The following TLK2 variants were observed in gnomAD, a reference collection of about 807,000 sequenced individuals.
The protein encoded by TLK2 is tousled like kinase 2, also known as serine/threonine-protein kinase tousled-like 2.
A neutral mutation model predicts 117.3 loss-of-function variants in TLK2; 6 were observed. The ratio of observed to expected loss-of-function variants is 0.05; its 90% CI spans 0.03 to 0.10. The LOEUF (loss-of-function observed/expected upper bound fraction) is 0.10. Ranked by LOEUF, TLK2 falls within the 10% of genes least tolerant of loss-of-function variation. TLK2 has a pLI of 1.00. For synonymous variants in TLK2, 257 were observed against 316.7 expected (o/e 0.81, Z 2.00); for missense variants, 299 against 901.2 (o/e 0.33, Z 8.56).
chr17:62,497,677 G>A (rs2073830973), intron 2 of TLK2, among the ~76,000 whole-genome samples: 1 of 152,188 alleles, frequency 6.6e-6, no homozygotes, highest in African/African-American at 2.4e-5. Context: ...CTAAAGTCAA[G>A]CCAATCTGAC....
intron 16 of TLK2, among the ~76,000 whole-genome samples, chr17:62,596,228 A>G (rs913807841): frequency 2.4e-4 from 37 of 152,072 alleles, no homozygotes; most frequent in African/African-American, 8.7e-4. Flanking sequence ...GGTGCGCACC[A>G]CTACGCCCAG....
rs1454345729 is a variant in TLK2, at chr17:62,548,812, CT to C, written c.532-3489del. ...AGTGCGGTGGCATGATCTCGGCTCA[CT>C]GCAACCTCCACCTCCTGGGTTAAAG... is the stretch of plus-strand genomic sequence containing the variant. On this transcript the variant is annotated intron_variant, in intron 7 of 21. Transcript: ENST00000346027. 2.6e-5 allele frequency among the ~76,000 whole-genome samples: 4 copies of C among 151,948 alleles called. No individual in the cohort carries two copies. In the East Asian group the frequency reaches 7.9e-4, roughly 30 times the overall value.
chr17:62,536,316 C>G lies in TLK2; in HGVS notation c.510C>G (p.Gly170=), dbSNP rs367614358. The G allele has an allele frequency of 6.2e-7, 1 of 1,612,458 alleles. No homozygotes were observed. Among genetic ancestry groups the G allele is most frequent in the Non-Finnish European group, 8.5e-7 (1 of 1,179,190 alleles). Residue 170 remains glycine (G), a synonymous_variant, in exon 7 of 22, where the codon GGC becomes GGG. Coordinates refer to ENST00000346027, the MANE Select transcript of TLK2 (RefSeq NM_006852.6). ...DTEQLAQRGA[G]LCFTFVSAQQ... is the part of the protein sequence containing the mutation. ...AGCAGCTGGCGCAAAGGGGAGCTGG[C>G]CTCTGCTTCACTTTTGTTTCAGTGA...
At chr17:62,503,306 C>T (rs1277652401) in intron 2 of TLK2, among the ~76,000 whole-genome samples, 1 of 152,008 alleles carries the variant, frequency 6.6e-6, no homozygotes, top group African/African-American at 2.4e-5. Context: ...GATCCGCCTG[C>T]CTTGGCCTCC....
chr17:62,533,173 AATT>A (rs2076857957), intron 6 of TLK2, among the ~76,000 whole-genome samples: 1 of 151,250 alleles, frequency 6.6e-6, no homozygotes, highest in Non-Finnish European at 1.5e-5. Context: ...AGATTTAATA[AATT>A]ATTTATATTA....
chr17:62,502,376 A>C (rs540258844), intron 2 of TLK2, among the ~76,000 whole-genome samples: 7 of 152,308 alleles, frequency 4.6e-5, no homozygotes, highest in African/African-American at 1.7e-4. Flanking sequence ...GCTCACTAGG[A>C]ATAGAAGGGA....
rs2079638814 is a variant in TLK2, at chr17:62,565,007, C to G, written c.838C>G (p.Gln280Glu). 1 of 1,606,684 alleles carries G rather than the reference C, an allele frequency of 6.2e-7. No homozygotes were observed. ...SKKLLIEKSK[Q>E]EKMACRDKSM... The stretch of plus-strand genomic sequence containing the variant: ...TTTGTCTGTTTCCCCTAAGTCAAAA[C>G]AAGAGAAGATGGCGTGTAGAGATAA... Residue 280 changes from glutamine (Q) to glutamate (E), a missense_variant, in exon 11 of 22, where the codon CAA becomes GAA. Physicochemically the swap from Gln to Glu is conservative, Grantham distance 29 (BLOSUM62 2). This residue lies in a region of TLK2 where 94 missense variants were observed against 282.6 expected (regional missense o/e 0.33). Transcript: ENST00000346027.
chr17:62,519,067 T>C (rs2075843672), intron 2 of TLK2, among the ~76,000 whole-genome samples: 1 of 152,044 alleles, frequency 6.6e-6, no homozygotes, highest in Non-Finnish European at 1.5e-5. Context: ...GTATTTTTGG[T>C]AGAGATGGGG....
intron 13 of TLK2, 84 bp from the exon 14 acceptor site, chr17:62,578,393 A>C: frequency 1.9e-6 from 2 of 1,050,838 alleles, no homozygotes; most frequent in Non-Finnish European, 2.9e-6. Flanking sequence ...TCATAAGATA[A>C]ATGTCTGCTA....
In TLK2 at chr17:62,614,302, A is replaced by G. The variant is rs1354100970; in HGVS notation, c.*1737A>G. ...GAAACAGCAGAGCACTCCTCAGTAG[A>G]GAGGGAGGGAGCCAAGAGCCTGAAC... On this transcript the variant is annotated 3_prime_UTR_variant, in exon 22 of 22. Coordinates refer to ENST00000346027, the MANE Select transcript of TLK2 (RefSeq NM_006852.6). 1.3e-5 allele frequency: 2 copies of G among 152,158 alleles called. No homozygotes were observed. Among genetic ancestry groups the G allele is most frequent in the African/African-American group, 2.4e-5 (1 of 41,436 alleles). The allele number at this position is 152,158 out of a possible 1,614,324, so 9.4% of individuals were successfully genotyped here. A position where few individuals can be genotyped will look rare whatever the true frequency, so the allele number is the denominator to read the frequency against.
chr17:62,487,962 G>A (rs113993179), intron 2 of TLK2, among the ~76,000 whole-genome samples: 2 of 148,216 alleles, frequency 1.3e-5, no homozygotes, highest in African/African-American at 2.5e-5. Flanking sequence ...TTTTGGAGAC[G>A]GAGTTTCACT....
chr17:62,537,760 G>A (rs2077212132), intron 7 of TLK2, among the ~76,000 whole-genome samples: 1 of 152,142 alleles, frequency 6.6e-6, no homozygotes, highest in East Asian at 1.9e-4. Flanking sequence ...AGTGTTTAAT[G>A]TTAGAAGTGT....
In TLK2 at chr17:62,573,818, T is replaced by C. The variant is rs115801455; in HGVS notation, c.1121+451T>C. Among the ~76,000 whole-genome samples the C allele has an allele frequency of 5.2e-3, 798 of 152,312 alleles. 5 individuals carry two copies. The highest frequency in any genetic ancestry group is 0.018 in the African/African-American group (758 of 41,558). The stretch of plus-strand genomic sequence containing the variant: ...GGATAAGCCCCCCAGAAAGCTGTTA[T>C]GTTAGAAAAGGACATTGTCCCAATA... On this transcript the variant is annotated intron_variant, in intron 12 of 21. Coordinates refer to ENST00000346027, the MANE Select transcript of TLK2 (RefSeq NM_006852.6).
At chr17:62,608,254 A>G in intron 21 of TLK2, 106 bp downstream of exon 21, 1 of 835,226 alleles carries the variant, frequency 1.2e-6, no homozygotes, top group South Asian at 1.8e-5. Flanking sequence ...TTCAGCAGTT[A>G]ATAAAAATAT....
intron 2 of TLK2, among the ~76,000 whole-genome samples, chr17:62,510,719 A>T (rs1369836257): frequency 6.6e-6 from 1 of 151,920 alleles, no homozygotes; most frequent in Non-Finnish European, 1.5e-5. Flanking sequence ...CTTTGTCCTG[A>T]TCTCCTCTCA....
chr17:62,489,437 A>C (rs774561894), intron 2 of TLK2, among the ~76,000 whole-genome samples: 1 of 151,902 alleles, frequency 6.6e-6, no homozygotes, highest in Non-Finnish European at 1.5e-5. Context: ...TCGAACTCCT[A>C]ACCTCAGGCG....
chr17:62,585,802 A>G (rs2081569560), intron 15 of TLK2: 2 of 177,196 alleles, frequency 1.1e-5, no homozygotes, highest in Admixed American at 1.2e-4. Flanking sequence ...GAAGGATAAG[A>G]GACAACCTAA....
intron 10 of TLK2, among the ~76,000 whole-genome samples, chr17:62,563,629 A>G (rs188052957): frequency 6.6e-6 from 1 of 152,180 alleles, no homozygotes; most frequent in African/African-American, 2.4e-5. Context: ...CTCTCACAGT[A>G]CTTTATTCTT....
intron 6 of TLK2, among the ~76,000 whole-genome samples, chr17:62,530,854 A>G (rs2076692144): frequency 6.6e-6 from 1 of 152,042 alleles, no homozygotes; most frequent in African/African-American, 2.4e-5. Context: ...TATTCCTGAA[A>G]GGTATTTTTG....
Sources: allele counts gnomAD v4.1 joint callset (sites outside exome capture counted in the v4.1 genomes callset), GRCh38; gene constraint gnomAD v4.1.1; regional missense constraint gnomAD v4.1.1; transcripts MANE v1.5; gene names NCBI Gene and HGNC (gene_info 2026-07-23, HGNC 2026-07-21).